LCT: variants seen among roughly 807,000 people sequenced by gnomAD.
The protein encoded by LCT is lactase/phlorizin hydrolase.
Under a neutral mutation model 173.0 loss-of-function variants are expected in LCT, and 90 were observed. The ratio of observed to expected loss-of-function variants is 0.52; its 90% CI spans 0.44 to 0.62. LCT has a LOEUF of 0.62. Ranked by LOEUF, LCT falls within the 20% of genes least tolerant of loss-of-function variation. The pLI is 0.00. For missense variants in LCT, 1,864 were observed against 2,431.4 expected (o/e 0.77, Z 4.91); for synonymous variants, 853 against 957.6 (o/e 0.89, Z 2.02).
At position 135,836,686 on chromosome 2, in the gene LCT, A is replaced by G. The variant is rs755623198; in HGVS notation, c.484T>C (p.Phe162Leu). ...AACCAGATCCCAACTAGGTCCCCGA[A>G]GGAGTGGAAGGCGAATGTGGCATAG... ...ADYATFAFHS[F>L]GDLVGIWFTF... Residue 162 changes from phenylalanine (F) to leucine (L), a missense_variant, in exon 1 of 17, where the codon TTC becomes CTC. By Grantham distance (22) the Phe-to-Leu change is conservative (BLOSUM62 0). Around this residue, in one of 4 missense-constraint regions of LCT, gnomAD observed 412 missense variants for 462.0 expected, o/e 0.89. Coordinates refer to ENST00000264162, the MANE Select transcript of LCT (RefSeq NM_002299.4). 4 of 1,614,180 alleles carry G rather than the reference A, an allele frequency of 2.5e-6. No homozygotes were observed. The highest frequency in any genetic ancestry group is 3.4e-6 in the Non-Finnish European group (4 of 1,180,032).
intron 14 of LCT, among the ~76,000 whole-genome samples, chr2:135,793,490 T>A (rs1559548493): frequency 6.6e-6 from 1 of 152,176 alleles, no homozygotes; most frequent in Non-Finnish European, 1.5e-5. Flanking sequence ...GAGTTCTAGA[T>A]CTTTCCACTG....
chr2:135,834,819 A>G (rs562550383), intron 1 of LCT, among the ~76,000 whole-genome samples: 29 of 150,728 alleles, frequency 1.9e-4, no homozygotes, highest in African/African-American at 6.8e-4. Flanking sequence ...AAGAAGAAGA[A>G]AAAAATGTTT....
At chr2:135,810,365 T>A (rs1197199366) in intron 7 of LCT, 1 of 169,304 alleles carries the variant, frequency 5.9e-6, no homozygotes, top group Non-Finnish European at 1.3e-5. Context: ...AAGTGTTCCT[T>A]TTGACATGAA....
intron 11 of LCT, among the ~76,000 whole-genome samples, chr2:135,801,200 C>T (rs548661362): frequency 3.3e-5 from 5 of 152,222 alleles, no homozygotes; most frequent in South Asian, 4.1e-4. Context: ...AGATACCTAT[C>T]GCAGAATCTA....
In LCT at chr2:135,812,639, T is replaced by C. The variant is rs563670352; in HGVS notation, c.2025A>G (p.Lys675=). 4 of 1,611,838 alleles carry C rather than the reference T, an allele frequency of 2.5e-6. No individual in the cohort carries two copies. The highest frequency in any genetic ancestry group is 3.4e-6 in the Non-Finnish European group (4 of 1,178,010). ...ACAGACCCAGAAAATCAGCAGAGCC[T>C]TTCAGGAGCTGCTTCTCTGCCTCTG... ...EFTEAEKQLL[K]GSADFLGLSH... Residue 675 remains lysine (K), a synonymous_variant, in exon 7 of 17, where the codon AAA becomes AAG. Transcript: ENST00000264162.
intron 8 of LCT, 27 bp from the exon 9 acceptor site, chr2:135,807,423 G>A: frequency 6.2e-7 from 1 of 1,613,484 alleles, no homozygotes; most frequent in South Asian, 1.1e-5. Context: ...GGGAGCAGAG[G>A]AGAGCTTGAC....
chr2:135,833,088 G>C, intron 2 of LCT, 23 bp downstream of exon 2: 1 of 1,549,574 alleles, frequency 6.5e-7, no homozygotes, highest in Non-Finnish European at 8.9e-7. Flanking sequence ...GATGTTACAG[G>C]TATATTTTTG....
rs74583002 is a variant in LCT, at chr2:135,805,239, C to T, written c.4174-182G>A. Among the ~76,000 whole-genome samples, 926 of 152,184 alleles carry T rather than the reference C, an allele frequency of 6.1e-3. 14 individuals carry two copies. The highest frequency in any genetic ancestry group is 0.021 in the African/African-American group (881 of 41,508). ...GGCAACCCCAGCGCTATGGGAGGAT[C>T]GCTTGAGCCCAGGAGTTCAAAACCA... On this transcript the variant is annotated intron_variant, in intron 9 of 16. Coordinates refer to ENST00000264162, the MANE Select transcript of LCT (RefSeq NM_002299.4).
Position 135,804,196 on chromosome 2 carries a change from C to G in LCT, c.4465-68G>C, listed in dbSNP as rs1159684910. ...CATGGGAAGCCCTAGGTTAGATGTG[C>G]CAGCATCAACGTCTGCTGCAAATCC... On this transcript the variant is annotated intron_variant, in intron 10 of 16. Coordinates refer to ENST00000264162, the MANE Select transcript of LCT (RefSeq NM_002299.4). 2.5e-6 allele frequency: 3 copies of G among 1,206,544 alleles called. No homozygotes were observed. In the African/African-American group the frequency reaches 4.5e-5, roughly 18 times the overall value. The allele number at this position is 1,206,544 out of a possible 1,614,324, so 74.7% of individuals were successfully genotyped here.
At chr2:135,792,327 G>T (rs552638495) in intron 14 of LCT, among the ~76,000 whole-genome samples, 1 of 152,290 alleles carries the variant, frequency 6.6e-6, no homozygotes, top group South Asian at 2.1e-4. Context: ...ATTAGGGAGG[G>T]GCAGGATTAA....
intron 5 of LCT, among the ~76,000 whole-genome samples, chr2:135,819,505 C>A (rs2077810524): frequency 6.6e-6 from 1 of 152,132 alleles, no homozygotes; most frequent in African/African-American, 2.4e-5. Flanking sequence ...GGCACCTATA[C>A]CAGGCTGGCC....
Position 135,790,318 on chromosome 2 carries a change from T to C in LCT, c.5335+340A>G, listed in dbSNP as rs536330327. On this transcript the variant is annotated intron_variant, in intron 15 of 16. Transcript: ENST00000264162. This position sits in a 1 kb window ranked among gnomAD's most constrained non-coding sequence, Gnocchi z 4.1. ...CTTTTGCTCGGAGACTAAGAGACCCTACAGGCAACCACACAGCCTACTCCT... is the reference window on the plus strand; with the variant it reads ...CTTTTGCTCGGAGACTAAGAGACCCCACAGGCAACCACACAGCCTACTCCT... Among the ~76,000 whole-genome samples, 2 of 152,280 alleles carry C rather than the reference T, an allele frequency of 1.3e-5. No individual in the cohort carries two copies. Among genetic ancestry groups the C allele is most frequent in the East Asian group, 3.9e-4 (2 of 5,178 alleles).
At chr2:135,798,361 C>T (rs936529693) in intron 12 of LCT, among the ~76,000 whole-genome samples, 12 of 152,210 alleles carry the variant, frequency 7.9e-5, no homozygotes, top group Non-Finnish European at 1.6e-4. Flanking sequence ...GAGGACAGGG[C>T]CACCTCTTCA....
chr2:135,810,871 A>C lies in LCT; in HGVS notation c.2354-878T>G, dbSNP rs532445690. Reference sequence around the variant, plus strand: ...GAAAACCTGTCTCTACTAAAAATACAAAAAAATTAGCCGGGCGTGGTGACG... The same window carrying C: ...GAAAACCTGTCTCTACTAAAAATACCAAAAAATTAGCCGGGCGTGGTGACG... On this transcript the variant is annotated intron_variant, in intron 7 of 16. Coordinates refer to ENST00000264162, the MANE Select transcript of LCT (RefSeq NM_002299.4). Among the ~76,000 whole-genome samples, 45 of 151,986 alleles carry C rather than the reference A, an allele frequency of 3.0e-4. 1 individual carries two copies. Among genetic ancestry groups the C allele is most frequent in the African/African-American group, 9.9e-4 (41 of 41,472 alleles).
intron 12 of LCT, among the ~76,000 whole-genome samples, chr2:135,799,600 C>T (rs1388202184): frequency 5.3e-5 from 8 of 151,984 alleles, no homozygotes; most frequent in African/African-American, 1.7e-4. Flanking sequence ...CAGGCATGTG[C>T]CACCACACCT....
chr2:135,802,271 T>G (rs80349179), intron 11 of LCT, among the ~76,000 whole-genome samples: 6,285 of 152,218 alleles, frequency 0.041, 427 homozygotes, highest in African/African-American at 0.14. Flanking sequence ...CAGAACTAGA[T>G]AAAAGGGAAA....
intron 9 of LCT, among the ~76,000 whole-genome samples, chr2:135,806,590 C>A (rs1452697141): frequency 1.3e-5 from 2 of 152,122 alleles, no homozygotes; most frequent in Non-Finnish European, 2.9e-5. Context: ...TTTCACTGTG[C>A]CTTTCTACAT....
At chr2:135,793,595 T>C (rs989495608) in intron 14 of LCT, among the ~76,000 whole-genome samples, 4 of 152,198 alleles carry the variant, frequency 2.6e-5, no homozygotes, top group Middle Eastern at 3.4e-3. Flanking sequence ...TCGCACTAAC[T>C]CTCCAGCTAT....
chr2:135,795,043 G>GCA (rs1553651424), intron 13 of LCT, among the ~76,000 whole-genome samples: 8 of 150,944 alleles, frequency 5.3e-5, no homozygotes, highest in Admixed American at 2.6e-4. Context: ...ACGCGCGCGC[G>GCA]CGCACACACA....
Sources: allele counts gnomAD v4.1 joint callset (sites outside exome capture counted in the v4.1 genomes callset), GRCh38; gene constraint gnomAD v4.1.1; regional missense constraint gnomAD v4.1.1; non-coding constraint Gnocchi (gnomAD v3.1); transcripts MANE v1.5; gene names NCBI Gene and HGNC (gene_info 2026-07-23, HGNC 2026-07-21).